CFTR: variants seen among roughly 807,000 people sequenced by gnomAD.
CFTR encodes the protein cystic fibrosis transmembrane conductance regulator.
A neutral mutation model predicts 171.6 loss-of-function variants in CFTR; 181 were observed. The observed-to-expected ratio is 1.05, with a 90% CI of 0.93 to 1.19. CFTR has a LOEUF of 1.19. CFTR is among the 50% of genes most tolerant of loss of function. The pLI, the probability that CFTR is intolerant of heterozygous loss-of-function variation, is 0.00. For missense variants in CFTR, 1,968 were observed against 1,734.7 expected (o/e 1.13, Z -2.39); for synonymous variants, 583 against 608.0 (o/e 0.96, Z 0.60).
At chr7:117,489,203 A>G (rs1419832237) in intron 1 of CFTR, among the ~76,000 whole-genome samples, 6 of 152,096 alleles carry the variant, frequency 3.9e-5, no homozygotes, top group African/African-American at 1.2e-4. Context: ...TTATGAATGC[A>G]GTTTGTCACT....
chr7:117,512,986 G>A (rs1274411570), intron 3 of CFTR, among the ~76,000 whole-genome samples: 1 of 152,098 alleles, frequency 6.6e-6, no homozygotes, highest in East Asian at 1.9e-4. Flanking sequence ...AGTCTATATG[G>A]CAAAGGAGGA....
intron 1 of CFTR, among the ~76,000 whole-genome samples, chr7:117,496,215 T>G (rs577755963): frequency 6.6e-6 from 1 of 152,148 alleles, no homozygotes; most frequent in Non-Finnish European, 1.5e-5. Flanking sequence ...TCTTTTTTAT[T>G]TTTTTAGAGA....
chr7:117,495,314 G>A (rs1420288384), intron 1 of CFTR, among the ~76,000 whole-genome samples: 2 of 152,216 alleles, frequency 1.3e-5, no homozygotes, highest in African/African-American at 4.8e-5. Flanking sequence ...GGCACTCTGA[G>A]GATGCTTCTC....
At position 117,514,483 on chromosome 7, in the gene CFTR, T is replaced by G. The variant is rs1392406807; in HGVS notation, c.273+5341T>G. 2.0e-5 allele frequency among the ~76,000 whole-genome samples: 3 copies of G among 152,210 alleles called. No homozygotes were observed. In the South Asian group the frequency reaches 6.2e-4, roughly 32 times the overall value. On this transcript the variant is annotated intron_variant, in intron 3 of 26. Coordinates refer to ENST00000003084, the MANE Select transcript of CFTR (RefSeq NM_000492.4). The stretch of plus-strand genomic sequence containing the variant: ...TTCATCCACGTCCCTGCAAAGGACA[T>G]GATCTCATTCCTTTTTATGGCTGCA...
chr7:117,605,788 A>G (rs1352394990), intron 17 of CFTR, among the ~76,000 whole-genome samples: 1 of 152,202 alleles, frequency 6.6e-6, no homozygotes, highest in African/African-American at 2.4e-5. Flanking sequence ...ATATTTGAGC[A>G]GAGGAAGCTT....
intron 11 of CFTR, among the ~76,000 whole-genome samples, chr7:117,566,391 C>T (rs1032081569): frequency 6.6e-6 from 1 of 151,880 alleles, no homozygotes; most frequent in Non-Finnish European, 1.5e-5. Flanking sequence ...GCTGAGATTG[C>T]GCCACTGCAC....
At chr7:117,494,775 T>C (rs1463202554) in intron 1 of CFTR, among the ~76,000 whole-genome samples, 1 of 152,134 alleles carries the variant, frequency 6.6e-6, no homozygotes, top group East Asian at 1.9e-4. Context: ...TAAATCAATA[T>C]ATCATGTGGG....
chr7:117,519,113 T>G (rs1248624255), intron 3 of CFTR, among the ~76,000 whole-genome samples: 2 of 152,138 alleles, frequency 1.3e-5, no homozygotes, highest in Non-Finnish European at 2.9e-5. Context: ...TAAAGCATTT[T>G]GAATTAGTCA....
At chr7:117,545,287 A>G (rs1799121505) in intron 9 of CFTR, among the ~76,000 whole-genome samples, 1 of 152,194 alleles carries the variant, frequency 6.6e-6, no homozygotes, top group Non-Finnish European at 1.5e-5. Flanking sequence ...GGTCCCTCCC[A>G]CAACACATGG....
At chr7:117,495,628 A>G (rs1798224934) in intron 1 of CFTR, among the ~76,000 whole-genome samples, 1 of 152,180 alleles carries the variant, frequency 6.6e-6, no homozygotes, top group Admixed American at 6.5e-5. Context: ...CAAACAATTT[A>G]CACAACTCAT....
intron 23 of CFTR, 35 bp downstream of exon 23, chr7:117,642,628 T>A (rs750852853): frequency 6.2e-7 from 1 of 1,605,700 alleles, no homozygotes; most frequent in Non-Finnish European, 8.5e-7. Context: ...AAAAGGCAAC[T>A]AAATTATATT....
chr7:117,666,253 T>C (rs1793375263), intron 26 of CFTR, among the ~76,000 whole-genome samples: 1 of 152,180 alleles, frequency 6.6e-6, no homozygotes, highest in Non-Finnish European at 1.5e-5. Flanking sequence ...ACAAATTCCC[T>C]ATGGTTTAGT....
chr7:117,480,190 C>T, intron 1 of CFTR, 43 bp downstream of exon 1: 2 of 1,593,990 alleles, frequency 1.3e-6, no homozygotes, highest in South Asian at 1.1e-5. Flanking sequence ...CACGTGCCCA[C>T]GAAAGAGGAG....
rs778858736 is a variant in CFTR at position 117,606,736 on chromosome 7, A to G, written c.2971A>G (p.Ile991Val). 6 of 1,577,732 alleles carry G rather than the reference A, an allele frequency of 3.8e-6. No homozygotes were observed. The East Asian group carries it at 9.0e-5, about 24-fold the overall frequency. Residue 991 changes from isoleucine to valine, a missense_variant, in exon 18 of 27, where the codon ATA becomes GTA. Physicochemically the swap from Ile to Val is conservative, Grantham distance 29 (BLOSUM62 3). Coordinates refer to ENST00000003084, the MANE Select transcript of CFTR (RefSeq NM_000492.4). ...TTTGGATGACCTTCTGCCTCTTACCATATTTGACTTCATCCAGGTATGTAA... is the reference window on the plus strand; with the variant it reads ...TTTGGATGACCTTCTGCCTCTTACCGTATTTGACTTCATCCAGGTATGTAA... ...AILDDLLPLT[I>V]FDFIQLLLIV...
intron 9 of CFTR, among the ~76,000 whole-genome samples, chr7:117,546,335 A>T (rs541480775): frequency 4.3e-4 from 65 of 152,100 alleles, no homozygotes; most frequent in African/African-American, 1.4e-3. Context: ...GGGTCTCACT[A>T]CGTTGCCCAG....
chr7:117,487,613 G>A (rs1004411198), intron 1 of CFTR: 1 of 152,070 alleles, frequency 6.6e-6, no homozygotes, highest in Admixed American at 6.6e-5. Context: ...CTTTTGAAAA[G>A]GTTATGTATC....
chr7:117,522,698 G>C (rs1798702502), intron 3 of CFTR, among the ~76,000 whole-genome samples: 1 of 152,146 alleles, frequency 6.6e-6, no homozygotes, highest in African/African-American at 2.4e-5. Context: ...AAAATACTCT[G>C]AGTAATGGAG....
intron 11 of CFTR, among the ~76,000 whole-genome samples, chr7:117,565,261 A>G (rs925230070): frequency 5.3e-5 from 8 of 152,176 alleles, no homozygotes; most frequent in Non-Finnish European, 1.0e-4. Flanking sequence ...AGCCCTAGTT[A>G]ATTTACTTAT....
chr7:117,569,166 A>G (rs1414674426), intron 11 of CFTR, among the ~76,000 whole-genome samples: 2 of 152,288 alleles, frequency 1.3e-5, no homozygotes, highest in Admixed American at 6.5e-5. Context: ...GTGTAGTATA[A>G]GAAGACTGGA....
Sources: allele counts gnomAD v4.1 joint callset (sites outside exome capture counted in the v4.1 genomes callset), GRCh38; gene constraint gnomAD v4.1.1; transcripts MANE v1.5; gene names NCBI Gene and HGNC (gene_info 2026-07-23, HGNC 2026-07-21).